Variants in FHOD3 observed in about 807,000 individuals in gnomAD.
FHOD3 encodes the protein formin homology 2 domain containing 3, also known as FH1/FH2 domain-containing protein 3.
In FHOD3, 90 loss-of-function variants were observed where a neutral mutation model predicts 173.0. That is an observed-to-expected ratio of 0.52 (90% CI 0.44 to 0.62). The LOEUF (loss-of-function observed/expected upper bound fraction) is 0.62, where lower values mean the gene tolerates loss of function less well. Ranked by LOEUF, FHOD3 falls within the 20% of genes least tolerant of loss-of-function variation. The pLI is 0.00. For missense variants in FHOD3, 1,945 were observed against 2,034.7 expected (o/e 0.96, Z 0.85); for synonymous variants, 828 against 823.0 (o/e 1.01, Z -0.10).
chr18:36,419,529 G>A (rs927626557), intron 3 of FHOD3, among the ~76,000 whole-genome samples: 1 of 152,182 alleles, frequency 6.6e-6, no homozygotes, highest in Admixed American at 6.5e-5. Flanking sequence ...AACCATGGAA[G>A]GAAAGAATGC....
intron 1 of FHOD3, among the ~76,000 whole-genome samples, chr18:36,328,553 T>G (rs1262485695): frequency 6.6e-6 from 1 of 151,970 alleles, no homozygotes; most frequent in African/African-American, 2.4e-5. Flanking sequence ...ACAGGGGAGT[T>G]TTGAGCAGCA....
chr18:36,303,432 C>G (rs1568094755), intron 1 of FHOD3, among the ~76,000 whole-genome samples: 2 of 152,136 alleles, frequency 1.3e-5, no homozygotes, highest in Non-Finnish European at 2.9e-5. Flanking sequence ...TGGTTGTGCT[C>G]TGGCAAGTCC....
At chr18:36,298,052 GT>G in intron 1 of FHOD3, 52 bp downstream of exon 1, 1 of 1,402,426 alleles carries the variant, frequency 7.1e-7, no homozygotes, top group Non-Finnish European at 9.3e-7. Flanking sequence ...CCCTGCCGCG[GT>G]GCGCGCCGGG....
chr18:36,696,358 G>A (rs1197608441), intron 17 of FHOD3, among the ~76,000 whole-genome samples: 1 of 152,120 alleles, frequency 6.6e-6, no homozygotes. Context: ...TACAAGAAAA[G>A]GAAAAACTAA....
At chr18:36,714,094 T>A (rs749158829) in intron 18 of FHOD3, among the ~76,000 whole-genome samples, 1 of 152,038 alleles carries the variant, frequency 6.6e-6, no homozygotes, top group South Asian at 2.1e-4. Flanking sequence ...ATGCAAAAAT[T>A]AAATCAGAGA....
chr18:36,720,744 CCTT>C (rs1363661988), intron 19 of FHOD3, among the ~76,000 whole-genome samples: 5 of 147,260 alleles, frequency 3.4e-5, no homozygotes, highest in Admixed American at 6.8e-5. Flanking sequence ...TTCTCCTCCT[CCTT>C]CTTCTCCTCC....
chr18:36,627,468 T>G (rs1211295861), intron 10 of FHOD3, among the ~76,000 whole-genome samples: 1 of 152,186 alleles, frequency 6.6e-6, no homozygotes, highest in East Asian at 1.9e-4. Context: ...CTGGGCACGG[T>G]TCACAGTCTT....
chr18:36,683,861 T>C (rs2038419583), intron 15 of FHOD3, among the ~76,000 whole-genome samples: 1 of 152,206 alleles, frequency 6.6e-6, no homozygotes, highest in South Asian at 2.1e-4. Context: ...CATATCACTT[T>C]GCTCTCCTCC....
intron 10 of FHOD3, among the ~76,000 whole-genome samples, chr18:36,642,542 C>T (rs1032492917): frequency 7.0e-6 from 1 of 143,852 alleles, no homozygotes; most frequent in Non-Finnish European, 1.5e-5. Flanking sequence ...GAGAGAGCGC[C>T]GCTGCACTCC....
chr18:36,636,834 T>C (rs927518878), intron 10 of FHOD3, among the ~76,000 whole-genome samples: 11 of 152,142 alleles, frequency 7.2e-5, no homozygotes, highest in African/African-American at 2.7e-4. Flanking sequence ...CACGACTGCA[T>C]GCATGTGGGC....
Position 36,475,795 on chromosome 18 carries a change from C to T in FHOD3, c.338-26137C>T, listed in dbSNP as rs75725484. Among the ~76,000 whole-genome samples, 356 of 136,704 alleles carry T rather than the reference C, an allele frequency of 2.6e-3. 1 individual carries two copies. The highest frequency in any genetic ancestry group is 9.3e-3 in the African/African-American group (344 of 36,836). The allele number at this position is 136,704 out of a possible 152,430, so 89.7% of individuals were successfully genotyped here. A position where few individuals can be genotyped will look rare whatever the true frequency, so the allele number is the denominator to read the frequency against. ...ACACACACACACACACACACACACA[C>T]GCATACATACATATATAATTGTAAT... On this transcript the variant is annotated intron_variant, in intron 3 of 28. Transcript: ENST00000590592.
chr18:36,556,831 C>G (rs907042643), intron 5 of FHOD3, among the ~76,000 whole-genome samples: 3 of 152,038 alleles, frequency 2.0e-5, no homozygotes, highest in Admixed American at 2.0e-4. Flanking sequence ...TTGCATATGC[C>G]CAAAGGATTT....
rs558024858 is a variant in FHOD3 at position 36,657,242 on chromosome 18, C to T, written c.1722-833C>T. On this transcript the variant is annotated intron_variant, in intron 13 of 28. Transcript: ENST00000590592. ...CCTGCTCTGTGGCTGGGTAGATTTG[C>T]GAGGCAAAGCTCTCTGAGCCTCATT... Among the ~76,000 whole-genome samples the T allele has an allele frequency of 1.1e-4, 17 of 152,198 alleles. No individual in the cohort carries two copies. The East Asian group carries it at 1.2e-3, about 10-fold the overall frequency.
At chr18:36,627,592 A>G (rs1015111934) in intron 10 of FHOD3, among the ~76,000 whole-genome samples, 2 of 152,148 alleles carry the variant, frequency 1.3e-5, no homozygotes, top group South Asian at 4.1e-4. Flanking sequence ...TTCAACATTA[A>G]TTTAGTAGCA....
intron 10 of FHOD3, among the ~76,000 whole-genome samples, chr18:36,648,534 G>A (rs541153259): frequency 6.6e-6 from 1 of 152,288 alleles, no homozygotes; most frequent in South Asian, 2.1e-4. Flanking sequence ...AAAGGCTAGG[G>A]TAGAGCTCCA....
At chr18:36,571,763 C>G (rs1304852224) in intron 5 of FHOD3, among the ~76,000 whole-genome samples, 4 of 152,138 alleles carry the variant, frequency 2.6e-5, no homozygotes, top group Admixed American at 1.3e-4. Flanking sequence ...AGGACAGTCT[C>G]TTTAACAAAT....
At chr18:36,538,151 A>G (rs1334698965) in intron 5 of FHOD3, among the ~76,000 whole-genome samples, 1 of 152,232 alleles carries the variant, frequency 6.6e-6, no homozygotes, top group Non-Finnish European at 1.5e-5. Context: ...TTGAGTGAAA[A>G]TACAACATAT....
chr18:36,389,715 C>G (rs2048204712), intron 3 of FHOD3, among the ~76,000 whole-genome samples: 1 of 152,158 alleles, frequency 6.6e-6, no homozygotes, highest in African/African-American at 2.4e-5. Flanking sequence ...AGCCCAACAC[C>G]CTGCTCTTCC....
intron 17 of FHOD3, among the ~76,000 whole-genome samples, chr18:36,696,877 G>A (rs1319669125): frequency 1.3e-5 from 2 of 152,190 alleles, no homozygotes; most frequent in East Asian, 3.8e-4. Flanking sequence ...ACATGGAAAG[G>A]CATCTCTTCA....
Sources: gnomAD v4.1 joint callset for allele counts (sites outside exome capture counted in the v4.1 genomes callset) on GRCh38, gnomAD v4.1.1 for gene constraint, MANE v1.5 for transcripts, NCBI Gene and HGNC (gene_info 2026-07-23, HGNC 2026-07-21) for gene names.